XRN2: variants seen among roughly 807,000 people sequenced by gnomAD.
XRN2 encodes the protein 5'-3' exoribonuclease 2.
A neutral mutation model predicts 138.5 loss-of-function variants in XRN2; 44 were observed. The observed-to-expected ratio is 0.32, with a 90% CI of 0.25 to 0.41. XRN2 has a LOEUF of 0.41. Among genes scored for constraint, XRN2 ranks in the 10% least tolerant of loss-of-function variants. The pLI is 1.00. For synonymous variants in XRN2, 354 were observed against 369.4 expected (o/e 0.96, Z 0.48); for missense variants, 937 against 1,169.3 (o/e 0.80, Z 2.90).
intron 1 of XRN2, among the ~76,000 whole-genome samples, chr20:21,324,136 C>T (rs1403721123): frequency 1.3e-5 from 2 of 152,078 alleles, no homozygotes; most frequent in Non-Finnish European, 2.9e-5. Flanking sequence ...TTTCTATAGA[C>T]TCCACCCACC....
At chr20:21,358,883 T>C (rs2038605528) in intron 24 of XRN2, among the ~76,000 whole-genome samples, 1 of 152,216 alleles carries the variant, frequency 6.6e-6, no homozygotes, top group Non-Finnish European at 1.5e-5. Context: ...ACAATCTGGC[T>C]CTGACAGATT....
At chr20:21,330,929 A>G (rs1340733139) in intron 6 of XRN2, among the ~76,000 whole-genome samples, 1 of 152,206 alleles carries the variant, frequency 6.6e-6, no homozygotes, top group Admixed American at 6.5e-5. Context: ...TCTTACCATC[A>G]CTATGAAGCT....
At chr20:21,377,743 C>G (rs1461897461) in intron 27 of XRN2, among the ~76,000 whole-genome samples, 2 of 152,100 alleles carry the variant, frequency 1.3e-5, no homozygotes, top group East Asian at 3.9e-4. Flanking sequence ...AGATAGAGGG[C>G]AAGGAAAAGC....
Position 21,316,406 on chromosome 20 carries a change from G to C in XRN2, c.76-9873G>C, listed in dbSNP as rs559806147. ...ATATTTACACCTGTTTTTCGGAAGA[G>C]TTTTATAGCTTTAGCTCTTAAATGT... is the stretch of plus-strand genomic sequence containing the variant. On this transcript the variant is annotated intron_variant, in intron 1 of 29. Coordinates refer to ENST00000377191, the MANE Select transcript of XRN2 (RefSeq NM_012255.5). Among the ~76,000 whole-genome samples the C allele has an allele frequency of 2.3e-4, 35 of 152,292 alleles. No individual in the cohort carries two copies. The South Asian group carries it at 7.2e-3, about 32-fold the overall frequency.
chr20:21,355,960 A>G (rs1028593361), intron 21 of XRN2, 120 bp from the exon 22 acceptor site: 55 of 584,708 alleles, frequency 9.4e-5, no homozygotes, highest in Non-Finnish European at 1.3e-4. Context: ...ATTATTTTTC[A>G]TAAATTTTAT....
At chr20:21,382,670 C>A (rs754602594) in intron 28 of XRN2, among the ~76,000 whole-genome samples, 1 of 152,114 alleles carries the variant, frequency 6.6e-6, no homozygotes, top group Non-Finnish European at 1.5e-5. Flanking sequence ...CTAATAAGTA[C>A]CATGGACTAG....
At chr20:21,365,915 A>AATATATAATTATAT (rs1555787343) in intron 26 of XRN2, among the ~76,000 whole-genome samples, 99 of 89,564 alleles carry the variant, frequency 1.1e-3, no homozygotes, top group African/African-American at 4.2e-3. Flanking sequence ...TAATATATAT[A>AATATATAATTATAT]ATATAATATA....
At chr20:21,327,006 A>G (rs1319029595) in intron 3 of XRN2, among the ~76,000 whole-genome samples, 1 of 152,154 alleles carries the variant, frequency 6.6e-6, no homozygotes, top group East Asian at 1.9e-4. Context: ...TTTCTTTAAC[A>G]ATGAAGAATA....
chr20:21,334,976 T>G (rs540849931), intron 13 of XRN2, among the ~76,000 whole-genome samples: 10 of 152,288 alleles, frequency 6.6e-5, no homozygotes, highest in African/African-American at 2.4e-4. Context: ...CTTGAAACTA[T>G]GAGTGTACTA....
chr20:21,326,158 A>G, intron 1 of XRN2, 121 bp from the exon 2 acceptor site: 1 of 962,982 alleles, frequency 1.0e-6, no homozygotes. Context: ...TTATAATTTA[A>G]AGGTTACTTG....
Position 21,389,158 on chromosome 20 carries a change from A to G in XRN2, c.2788-115A>G, listed in dbSNP as rs991732962. 1.3e-5 allele frequency: 12 copies of G among 904,538 alleles called. No homozygotes were observed. In the African/African-American group the frequency reaches 2.0e-4, roughly 15 times the overall value. The allele number at this position is 904,538 out of a possible 1,614,324, so 56.0% of individuals were successfully genotyped here. A position where few individuals can be genotyped will look rare whatever the true frequency, so the allele number is the denominator to read the frequency against. On this transcript the variant is annotated intron_variant, in intron 29 of 29. Coordinates refer to ENST00000377191, the MANE Select transcript of XRN2 (RefSeq NM_012255.5). ...TTTATGGGGCCTTTCCATGTGCTGT[A>G]CCTTTAACACATACTCAGTTTCCTT...
intron 8 of XRN2, 68 bp from the exon 9 acceptor site, chr20:21,332,212 CATA>C: frequency 1.3e-6 from 2 of 1,536,126 alleles, no homozygotes; most frequent in Non-Finnish European, 1.8e-6. Flanking sequence ...GTTGGCATCT[CATA>C]GTAGTTTATG....
At chr20:21,311,226 C>G (rs1410451594) in intron 1 of XRN2, among the ~76,000 whole-genome samples, 1 of 152,190 alleles carries the variant, frequency 6.6e-6, no homozygotes, top group Non-Finnish European at 1.5e-5. Flanking sequence ...TTTATCATCC[C>G]AAACAGAAAC....
intron 27 of XRN2, among the ~76,000 whole-genome samples, chr20:21,376,277 C>G (rs1024256875): frequency 6.6e-6 from 1 of 152,130 alleles, no homozygotes; most frequent in Non-Finnish European, 1.5e-5. Flanking sequence ...ATTGGTTGAG[C>G]CCCGGGAGTT....
At chr20:21,357,882 G>A in intron 24 of XRN2, 90 bp downstream of exon 24, 6 of 1,128,556 alleles carry the variant, frequency 5.3e-6, no homozygotes, top group Non-Finnish European at 7.6e-6. Context: ...ACAAGGAAAT[G>A]GCAGCTGTTA....
chr20:21,339,174 T>G (rs2038339045), intron 14 of XRN2, 86 bp downstream of exon 14: 2 of 1,375,402 alleles, frequency 1.5e-6, no homozygotes, highest in African/African-American at 2.9e-5. Context: ...GCTTTATTCC[T>G]TGTCCAGTAG....
At chr20:21,320,387 C>T (rs1031946621) in intron 1 of XRN2, among the ~76,000 whole-genome samples, 8 of 151,604 alleles carry the variant, frequency 5.3e-5, no homozygotes, top group African/African-American at 1.9e-4. Flanking sequence ...GCAAGCTCCA[C>T]CTCCCGGGTT....
chr20:21,334,140 T>C lies in XRN2; in HGVS notation c.1188T>C (p.Val396=). 3.7e-6 allele frequency: 6 copies of C among 1,613,974 alleles called. No homozygotes were observed. Among genetic ancestry groups the C allele is most frequent in the Non-Finnish European group, 5.1e-6 (6 of 1,179,922 alleles). The change falls in exon 13 of 30, where the codon GTT becomes GTC. Residue 396 remains valine (V), a synonymous_variant. Coordinates refer to ENST00000377191, the MANE Select transcript of XRN2 (RefSeq NM_012255.5). ...GAGTACAGATGATCATGTTAGCAGT[T>C]GGTGAAGTTGAGGATAGCATTTTTA... ...LQRVQMIMLA[V]GEVEDSIFKK...
At chr20:21,312,656 C>T (rs1047770323) in intron 1 of XRN2, among the ~76,000 whole-genome samples, 24 of 146,218 alleles carry the variant, frequency 1.6e-4, no homozygotes, top group Admixed American at 3.5e-4. Flanking sequence ...GTTGCCCAGG[C>T]TGGAGTGCAG....
Sources: allele counts gnomAD v4.1 joint callset (sites outside exome capture counted in the v4.1 genomes callset), GRCh38; gene constraint gnomAD v4.1.1; transcripts MANE v1.5; gene names NCBI Gene and HGNC (gene_info 2026-07-23, HGNC 2026-07-21).